CDH4: variants seen among roughly 807,000 people sequenced by gnomAD.
CDH4 encodes the protein cadherin-4.
CDH4 carries 33 observed loss-of-function variants against 86.0 expected under a neutral mutation model. That is an observed-to-expected ratio of 0.38 (90% confidence interval 0.29 to 0.51). The LOEUF (loss-of-function observed/expected upper bound fraction) is 0.51, where lower values mean the gene tolerates loss of function less well. Among genes scored for constraint, CDH4 ranks in the 20% least tolerant of loss-of-function variants. The pLI is 0.86. For missense variants in CDH4, 1,114 were observed against 1,307.4 expected (o/e 0.85, Z 2.28); for synonymous variants, 555 against 549.4 (o/e 1.01, Z -0.14).
At chr20:61,465,681 G>C (rs1201249992) in intron 2 of CDH4, among the ~76,000 whole-genome samples, 2 of 152,028 alleles carry the variant, frequency 1.3e-5, no homozygotes, top group African/African-American at 4.8e-5. Flanking sequence ...TTTATCTCCT[G>C]GTTTTTGTTG....
At chr20:61,302,487 G>GC (rs202035831) in intron 2 of CDH4, among the ~76,000 whole-genome samples, 2 of 124,430 alleles carry the variant, frequency 1.6e-5, no homozygotes, top group African/African-American at 6.1e-5. Context: ...GGCCTGGGTT[G>GC]GGGGGGGTCT....
intron 2 of CDH4, among the ~76,000 whole-genome samples, chr20:61,506,813 G>GGA (rs2085744411): frequency 6.6e-6 from 1 of 152,180 alleles, no homozygotes; most frequent in Non-Finnish European, 1.5e-5. Context: ...CTGGGAGAAA[G>GGA]GAGAGGCTGC....
At chr20:61,573,919 C>T (rs1415455740) in intron 2 of CDH4, among the ~76,000 whole-genome samples, 1 of 152,214 alleles carries the variant, frequency 6.6e-6, no homozygotes, top group Admixed American at 6.5e-5. Flanking sequence ...CCCTGCAGCC[C>T]CTTCCTCCCT....
intron 2 of CDH4, among the ~76,000 whole-genome samples, chr20:61,685,608 T>G (rs574732565): frequency 1.7e-4 from 26 of 152,360 alleles, no homozygotes; most frequent in African/African-American, 6.0e-4. Context: ...GACCACCACC[T>G]TATCCCAGCC....
At chr20:61,294,295 C>G (rs906708646) in intron 2 of CDH4, among the ~76,000 whole-genome samples, 10 of 152,174 alleles carry the variant, frequency 6.6e-5, no homozygotes, top group Admixed American at 3.9e-4. Flanking sequence ...AGCCCAAGGC[C>G]AAAGGTCTTT....
chr20:61,768,677 G>T (rs192784224), intron 3 of CDH4, among the ~76,000 whole-genome samples: 4 of 152,304 alleles, frequency 2.6e-5, no homozygotes, highest in Admixed American at 2.6e-4. Flanking sequence ...ATGCTTGTTC[G>T]ACCAGGGTGA....
chr20:61,924,989 C>T (rs2055028890), intron 11 of CDH4, among the ~76,000 whole-genome samples: 1 of 152,204 alleles, frequency 6.6e-6, no homozygotes, highest in South Asian at 2.1e-4. Context: ...GGGGGTGCCG[C>T]CCTCGTGTCT....
At chr20:61,671,225 CT>C (rs2087383765) in intron 2 of CDH4, among the ~76,000 whole-genome samples, 1 of 151,924 alleles carries the variant, frequency 6.6e-6, no homozygotes, top group Non-Finnish European at 1.5e-5. Context: ...GGTGCAGTGG[CT>C]CATGCTTGTA....
At chr20:61,661,314 T>G (rs941953267) in intron 2 of CDH4, among the ~76,000 whole-genome samples, 1 of 152,184 alleles carries the variant, frequency 6.6e-6, no homozygotes, top group African/African-American at 2.4e-5. Context: ...AGCTGGATTT[T>G]GCATCATAAG....
chr20:61,304,601 C>A (rs1229109687), intron 2 of CDH4, among the ~76,000 whole-genome samples: 1 of 151,924 alleles, frequency 6.6e-6, no homozygotes, highest in East Asian at 1.9e-4. Context: ...TGTGCCATAA[C>A]AATATTAAGA....
chr20:61,841,648 G>C (rs914086592), intron 4 of CDH4, among the ~76,000 whole-genome samples: 1 of 152,128 alleles, frequency 6.6e-6, no homozygotes, highest in Non-Finnish European at 1.5e-5. Flanking sequence ...GCTCAGGGCA[G>C]AGCTGGGAAA....
At chr20:61,602,210 C>T (rs994915820) in intron 2 of CDH4, among the ~76,000 whole-genome samples, 1 of 152,180 alleles carries the variant, frequency 6.6e-6, no homozygotes, top group Non-Finnish European at 1.5e-5. Context: ...GCTGCCAGCA[C>T]CCTCGCTGAC....
At chr20:61,589,015 G>A (rs967279370) in intron 2 of CDH4, among the ~76,000 whole-genome samples, 2 of 152,198 alleles carry the variant, frequency 1.3e-5, no homozygotes, top group Non-Finnish European at 2.9e-5. Context: ...GCCGTTTGAC[G>A]ACAGATCAGA....
At chr20:61,327,078 G>A (rs940525940) in intron 2 of CDH4, among the ~76,000 whole-genome samples, 3 of 152,176 alleles carry the variant, frequency 2.0e-5, no homozygotes, top group African/African-American at 7.2e-5. Flanking sequence ...AAAGGAGAGG[G>A]AAGAGGTAGC....
chr20:61,557,074 T>G (rs2086183444), intron 2 of CDH4, among the ~76,000 whole-genome samples: 1 of 152,134 alleles, frequency 6.6e-6, no homozygotes, highest in Non-Finnish European at 1.5e-5. Context: ...TCCTCTTGGG[T>G]GTGTGGGTGT....
intron 2 of CDH4, among the ~76,000 whole-genome samples, chr20:61,305,333 A>T (rs1302160121): frequency 6.6e-6 from 1 of 152,102 alleles, no homozygotes; most frequent in Non-Finnish European, 1.5e-5. Context: ...CAGCGACCTT[A>T]CAGTCTTCAG....
chr20:61,484,634 A>G (rs549245790), intron 2 of CDH4, among the ~76,000 whole-genome samples: 12 of 152,262 alleles, frequency 7.9e-5, no homozygotes, highest in African/African-American at 2.6e-4. Flanking sequence ...GGTGGCTCGC[A>G]TTTGCTGGGC....
At chr20:61,899,429 T>A (rs1870401997) in intron 8 of CDH4, among the ~76,000 whole-genome samples, 2 of 152,190 alleles carry the variant, frequency 1.3e-5, no homozygotes, top group Admixed American at 1.3e-4. Flanking sequence ...AAAATCAGGT[T>A]AATTTTTTTC....
rs974829170 is a variant in CDH4, at chr20:61,351,234, T to C, written c.169+96297T>C. On this transcript the variant is annotated intron_variant, in intron 2 of 15. Coordinates refer to ENST00000614565, the MANE Select transcript of CDH4 (RefSeq NM_001794.5). The stretch of plus-strand genomic sequence containing the variant: ...GGAAGAATTGTGCCTGTACTGAACA[T>C]GGACAGATTTTTTCTTGTCATTCTT... Among the ~76,000 whole-genome samples, 13 of 53,840 alleles carry C rather than the reference T, an allele frequency of 2.4e-4. No individual in the cohort carries two copies. In the African/African-American group the frequency reaches 2.7e-3, roughly 11 times the overall value. 35.3% of individuals were successfully genotyped at this position (53,840 alleles called of 152,430 possible). A position where few individuals can be genotyped will look rare whatever the true frequency, so the allele number is the denominator to read the frequency against.
Sources: allele counts gnomAD v4.1 joint callset (sites outside exome capture counted in the v4.1 genomes callset), GRCh38; gene constraint gnomAD v4.1.1; transcripts MANE v1.5; gene names NCBI Gene and HGNC (gene_info 2026-07-23, HGNC 2026-07-21).